Variants in PHC2 observed in about 807,000 individuals in gnomAD.
PHC2 encodes polyhomeotic homolog 2, also known as polyhomeotic-like protein 2.
PHC2 carries 29 observed loss-of-function variants against 87.4 expected under a neutral mutation model. That is an observed-to-expected ratio of 0.33 (90% CI 0.25 to 0.45). The LOEUF (loss-of-function observed/expected upper bound fraction) is 0.45, where lower values mean the gene tolerates loss of function less well. Ranked by LOEUF, PHC2 falls within the 20% of genes least tolerant of loss-of-function variation. PHC2 has a pLI of 1.00. For synonymous variants in PHC2, 438 were observed against 461.7 expected (o/e 0.95, Z 0.66); for missense variants, 857 against 1,136.7 (o/e 0.75, Z 3.54).
At chr1:33,341,241 G>A (rs530006708) in intron 9 of PHC2, among the ~76,000 whole-genome samples, 1 of 152,348 alleles carries the variant, frequency 6.6e-6, no homozygotes, top group East Asian at 1.9e-4. Context: ...GCTGAGCTTG[G>A]ACACAGGCAG....
intron 1 of PHC2, among the ~76,000 whole-genome samples, chr1:33,416,158 A>G (rs1202092519): frequency 6.6e-6 from 1 of 152,210 alleles, no homozygotes; most frequent in Non-Finnish European, 1.5e-5. Flanking sequence ...AAATCCAAGC[A>G]TAATATACAG....
intron 1 of PHC2, among the ~76,000 whole-genome samples, chr1:33,411,226 T>C (rs1013043846): frequency 6.6e-6 from 1 of 152,246 alleles, no homozygotes; most frequent in African/African-American, 2.4e-5. Context: ...CTCCTTGTAC[T>C]GGTTTATATT....
At chr1:33,363,951 C>T in intron 7 of PHC2, 4 of 970,926 alleles carry the variant, frequency 4.1e-6, no homozygotes, top group Non-Finnish European at 4.9e-6. Flanking sequence ...TCTCCTTCCC[C>T]TCCAAAGCCC....
chr1:33,363,840 G>A (rs889800558), intron 7 of PHC2: 10 of 985,108 alleles, frequency 1.0e-5, no homozygotes, highest in African/African-American at 5.2e-5. Context: ...CTTAGGACTC[G>A]GCTTCCCTGA....
At chr1:33,360,362 CT>C (rs1480477969) in intron 7 of PHC2, among the ~76,000 whole-genome samples, 1 of 152,272 alleles carries the variant, frequency 6.6e-6, no homozygotes, top group African/African-American at 2.4e-5. Context: ...ATCTCTGCCC[CT>C]ACCCTGCCCT....
Position 33,349,592 on chromosome 1 carries a change from C to A in PHC2, c.1558+4809G>T. ...CGAGAACCCCTCCCCCGCCCCGGCACTGACCTGTCCAGGGCCCGGCTGGGC... is the reference window on the plus strand; with the variant it reads ...CGAGAACCCCTCCCCCGCCCCGGCAATGACCTGTCCAGGGCCCGGCTGGGC... On this transcript the variant is annotated intron_variant, in intron 9 of 14. Coordinates refer to ENST00000683057, the MANE Select transcript of PHC2 (RefSeq NM_001385109.1). This position sits in a 1 kb window ranked among gnomAD's most constrained non-coding sequence, Gnocchi z 4.2. 1 of 984,088 alleles carries A rather than the reference C, an allele frequency of 1.0e-6. No individual in the cohort carries two copies. The highest frequency in any genetic ancestry group is 1.2e-6 in the Non-Finnish European group (1 of 829,278). The allele number at this position is 984,088 out of a possible 1,614,324, so 61.0% of individuals were successfully genotyped here.
At chr1:33,362,960 G>T (rs1274629329) in intron 7 of PHC2, 3 of 152,250 alleles carry the variant, frequency 2.0e-5, no homozygotes. Flanking sequence ...TCTTTCATTT[G>T]TGAAGTGGAA....
chr1:33,373,892 A>G (rs1570496256), intron 2 of PHC2, among the ~76,000 whole-genome samples: 1 of 151,954 alleles, frequency 6.6e-6, no homozygotes, highest in Admixed American at 6.5e-5. Context: ...CTAGGACAAA[A>G]CAGCCTCTGG....
rs963339037 is a variant in PHC2 at position 33,364,673 on chromosome 1, C to T, written c.976+2443G>A. 9.2e-5 allele frequency among the ~76,000 whole-genome samples: 14 copies of T among 152,194 alleles called. No homozygotes were observed. Among genetic ancestry groups the T allele is most frequent in the Non-Finnish European group, 1.8e-4 (12 of 68,034 alleles). On this transcript the variant is annotated intron_variant, in intron 7 of 14. Coordinates refer to ENST00000683057, the MANE Select transcript of PHC2 (RefSeq NM_001385109.1). This position sits in a 1 kb window ranked among gnomAD's most constrained non-coding sequence, Gnocchi z 4.1. ...ATGGGAGGTGGGAGTGGGGCAGCGC[C>T]ATCTCTGGGCTTACAGAGAGGAAGG...
rs375537670 is a variant in PHC2, at chr1:33,411,452, TG to T, written c.-55+19523del. Among the ~76,000 whole-genome samples, 218 of 149,264 alleles carry T rather than the reference TG, an allele frequency of 1.5e-3. 1 individual carries two copies. The highest frequency in any genetic ancestry group is 3.8e-3 in the African/African-American group (156 of 40,868). On this transcript the variant is annotated intron_variant, in intron 1 of 14. Transcript: ENST00000683057. The stretch of plus-strand genomic sequence containing the variant: ...AACATACTGGAACATCTCTGTTTTT[TG>T]TTGTTGTTGTTGTTGTTGTTATATT...
intron 7 of PHC2, among the ~76,000 whole-genome samples, chr1:33,362,804 T>C (rs965625008): frequency 6.6e-6 from 1 of 152,220 alleles, no homozygotes; most frequent in Non-Finnish European, 1.5e-5. Flanking sequence ...CAGCTCCCAT[T>C]AGAATTTAAA....
intron 14 of PHC2, chr1:33,326,428 C>G (rs1235028453): frequency 6.6e-6 from 1 of 152,626 alleles, no homozygotes; most frequent in Non-Finnish European, 1.5e-5. Flanking sequence ...TCCAAAGGCT[C>G]TCGACGGATT....
chr1:33,403,970 T>C (rs1649649143), intron 1 of PHC2, among the ~76,000 whole-genome samples: 2 of 152,242 alleles, frequency 1.3e-5, no homozygotes, highest in Admixed American at 6.5e-5. Flanking sequence ...TTTTTTCATA[T>C]GCTGTTCTTT....
chr1:33,372,532 G>T (rs1647918766), intron 2 of PHC2, 85 bp from the exon 3 acceptor site: 4 of 1,288,444 alleles, frequency 3.1e-6, no homozygotes, highest in Non-Finnish European at 3.1e-6. Flanking sequence ...CCCACCCCAG[G>T]TCTCTATAAC....
chr1:33,416,871 G>A (rs1479503554), intron 1 of PHC2, among the ~76,000 whole-genome samples: 1 of 151,888 alleles, frequency 6.6e-6, no homozygotes, highest in Admixed American at 6.6e-5. Context: ...ACAGTAAATA[G>A]GTGAGTAAAT....
At chr1:33,395,765 T>C (rs1418091949) in intron 1 of PHC2, among the ~76,000 whole-genome samples, 2 of 152,126 alleles carry the variant, frequency 1.3e-5, no homozygotes, top group African/African-American at 2.4e-5. Context: ...TGAGCAGACA[T>C]TGGGGTAAAA....
At chr1:33,366,581 C>G (rs1371563719) in intron 7 of PHC2, among the ~76,000 whole-genome samples, 1 of 152,246 alleles carries the variant, frequency 6.6e-6, no homozygotes, top group Admixed American at 6.5e-5. Context: ...GCACTGCACT[C>G]TCTGTCTCCC....
intron 1 of PHC2, among the ~76,000 whole-genome samples, chr1:33,389,813 G>A (rs1648959693): frequency 6.6e-6 from 1 of 152,082 alleles, no homozygotes; most frequent in Non-Finnish European, 1.5e-5. Flanking sequence ...TCCTCTGTTA[G>A]CATACATCTT....
intron 1 of PHC2, among the ~76,000 whole-genome samples, chr1:33,429,791 T>C (rs1426929815): frequency 1.3e-5 from 2 of 152,268 alleles, no homozygotes; most frequent in African/African-American, 4.8e-5. Flanking sequence ...GAATTTGCAC[T>C]TCACTTGCAA....
Sources: allele counts gnomAD v4.1 joint callset (sites outside exome capture counted in the v4.1 genomes callset), GRCh38; gene constraint gnomAD v4.1.1; non-coding constraint Gnocchi (gnomAD v3.1); transcripts MANE v1.5; gene names NCBI Gene and HGNC (gene_info 2026-07-23, HGNC 2026-07-21).